The following HEATR4 variants were observed in gnomAD, a reference collection of about 807,000 sequenced individuals.
HEATR4 encodes the protein HEAT repeat-containing protein 4.
A neutral mutation model predicts 108.8 loss-of-function variants in HEATR4; 95 were observed. The observed-to-expected ratio is 0.87, with a 90% confidence interval of 0.74 to 1.04. HEATR4 has a LOEUF of 1.04. Ranked by LOEUF, HEATR4 falls within the 50% of genes least tolerant of loss-of-function variation. The probability of loss-of-function intolerance (pLI) is 0.00; values close to 1 mark genes in which losing one functional copy is unlikely to be tolerated. For synonymous variants in HEATR4, 443 were observed against 459.4 expected (o/e 0.96, Z 0.46); for missense variants, 1,152 against 1,253.8 (o/e 0.92, Z 1.23).
At chr14:73,613,040 G>C in the HEATR4 span, 7 of 774,236 alleles carry the variant, frequency 9.0e-6, no homozygotes, top group African/African-American at 1.1e-4. Context: ...TGAGTAGTCT[G>C]CCCAGAATTT....
the HEATR4 span, among the ~76,000 whole-genome samples, chr14:73,625,127 C>T: frequency 1.1e-4 from 17 of 151,764 alleles, no homozygotes; most frequent in Admixed American, 9.9e-4. Flanking sequence ...GGTGTGATCT[C>T]GGCTCACTGC....
chr14:73,522,101 T>C (rs1483734039), intron 3 of HEATR4, among the ~76,000 whole-genome samples, 171 bp downstream of exon 3: 1 of 152,204 alleles, frequency 6.6e-6, no homozygotes, highest in Non-Finnish European at 1.5e-5. Flanking sequence ...ATGTCAGCAG[T>C]GCAAATTGAG....
chr14:73,604,916 A>C, the HEATR4 span, among the ~76,000 whole-genome samples: 1 of 152,158 alleles, frequency 6.6e-6, no homozygotes, highest in Non-Finnish European at 1.5e-5. Flanking sequence ...TTTGAGAGGG[A>C]TCTATCCACT....
At chr14:73,501,902 C>T (rs1429823540) in intron 11 of HEATR4, among the ~76,000 whole-genome samples, 10 of 151,842 alleles carry the variant, frequency 6.6e-5, no homozygotes, top group Admixed American at 6.6e-4. Context: ...TACAGGCGCC[C>T]GCCACCACGC....
the HEATR4 span, among the ~76,000 whole-genome samples, chr14:73,588,608 C>T: frequency 1.3e-5 from 2 of 152,126 alleles, no homozygotes; most frequent in Non-Finnish European, 2.9e-5. Context: ...TCTTCTCCCT[C>T]CTACTCAACA....
At chr14:73,586,066 T>G in the HEATR4 span, among the ~76,000 whole-genome samples, 1 of 151,712 alleles carries the variant, frequency 6.6e-6, no homozygotes, top group Non-Finnish European at 1.5e-5. Flanking sequence ...TGATTTCTTT[T>G]CTTATGGAAA....
At chr14:73,564,962 G>A in the HEATR4 span, among the ~76,000 whole-genome samples, 3 of 151,744 alleles carry the variant, frequency 2.0e-5, no homozygotes, top group Admixed American at 6.6e-5. Flanking sequence ...TTTTTCATCA[G>A]TGTGATGGAA....
At chr14:73,598,274 C>T in the HEATR4 span, among the ~76,000 whole-genome samples, 4 of 148,662 alleles carry the variant, frequency 2.7e-5, no homozygotes, top group Admixed American at 6.7e-5. Flanking sequence ...CCTGTAGTCC[C>T]AGCTACTTGG....
At chr14:73,609,141 T>C in the HEATR4 span, among the ~76,000 whole-genome samples, 1 of 152,198 alleles carries the variant, frequency 6.6e-6, no homozygotes, top group Non-Finnish European at 1.5e-5. Context: ...GTGAACGATA[T>C]TGATTGTATG....
chr14:73,627,512 G>T, the HEATR4 span, among the ~76,000 whole-genome samples: 1 of 152,128 alleles, frequency 6.6e-6, no homozygotes, highest in Non-Finnish European at 1.5e-5. Context: ...GTGACTCACA[G>T]AACTTGGGAA....
chr14:73,586,035 A>C, the HEATR4 span, among the ~76,000 whole-genome samples: 1 of 150,888 alleles, frequency 6.6e-6, no homozygotes, highest in Non-Finnish European at 1.5e-5. Flanking sequence ...AAAAAAAAAA[A>C]CGTAAACTGC....
intron 2 of HEATR4, among the ~76,000 whole-genome samples, chr14:73,527,610 A>G (rs1331599171): frequency 6.6e-6 from 1 of 151,932 alleles, no homozygotes; most frequent in African/African-American, 2.4e-5. Flanking sequence ...TAAAAAATGC[A>G]TTGGAGTCTC....
At chr14:73,510,010 A>T (rs1211503270) in intron 7 of HEATR4, among the ~76,000 whole-genome samples, 1 of 150,358 alleles carries the variant, frequency 6.7e-6, no homozygotes, top group African/African-American at 2.4e-5. Context: ...AGTAGCTGGG[A>T]CTACAGGCAC....
chr14:73,496,544 G>C, intron 15 of HEATR4, 57 bp downstream of exon 15: 1 of 1,053,462 alleles, frequency 9.5e-7, no homozygotes, highest in Non-Finnish European at 1.5e-6. Flanking sequence ...GACAGGGTCT[G>C]AGGAACTCTT....
chr14:73,626,909 A>T, the HEATR4 span, among the ~76,000 whole-genome samples: 1 of 141,310 alleles, frequency 7.1e-6, no homozygotes, highest in African/African-American at 2.7e-5. Flanking sequence ...CTCCTGCCTT[A>T]GCCCCCTAGG....
rs141027937 is a variant in HEATR4 at position 73,500,311 on chromosome 14, G to A, written c.2286+239C>T. Among the ~76,000 whole-genome samples, 1,460 of 146,844 alleles carry A rather than the reference G, an allele frequency of 9.9e-3. 57 individuals carry two copies. The highest frequency in any genetic ancestry group is 0.05 in the East Asian group (253 of 5,042). On this transcript the variant is annotated intron_variant, in intron 12 of 17. Coordinates refer to ENST00000553558, the MANE Select transcript of HEATR4 (RefSeq NM_001220484.1). The stretch of plus-strand genomic sequence containing the variant: ...TTTTTTTTTTAGCTCATCAACTATC[G>A]TTAGTGTTAGTGTACTTTATATGTG...
the HEATR4 span, among the ~76,000 whole-genome samples, chr14:73,597,325 C>A: frequency 6.6e-6 from 1 of 151,918 alleles, no homozygotes; most frequent in African/African-American, 2.4e-5. Flanking sequence ...ACCTCGTGAT[C>A]CACCCGCCTC....
At chr14:73,611,573 C>A in the HEATR4 span, 2 of 152,180 alleles carry the variant, frequency 1.3e-5, no homozygotes, top group Non-Finnish European at 2.9e-5. Context: ...CCAAAATGGA[C>A]TCTGCCAGTG....
chr14:73,615,551 T>G, the HEATR4 span, among the ~76,000 whole-genome samples: 11 of 151,324 alleles, frequency 7.3e-5, no homozygotes, highest in South Asian at 1.7e-3. Flanking sequence ...ACCAACATGG[T>G]GAAACCCCAT....
Sources: gnomAD v4.1 joint callset for allele counts (sites outside exome capture counted in the v4.1 genomes callset) on GRCh38, gnomAD v4.1.1 for gene constraint, MANE v1.5 for transcripts, NCBI Gene and HGNC (gene_info 2026-07-23, HGNC 2026-07-21) for gene names.